Variants in CASKIN1 observed in about 807,000 individuals in gnomAD.
The protein encoded by CASKIN1 is CASK interacting protein 1.
CASKIN1 carries 42 observed loss-of-function variants against 117.5 expected under a neutral mutation model. The observed-to-expected ratio is 0.36, with a 90% CI of 0.28 to 0.46. The LOEUF (loss-of-function observed/expected upper bound fraction) is 0.46. CASKIN1 is among the 20% of genes least tolerant of loss of function. The pLI, the probability that CASKIN1 is intolerant of heterozygous loss-of-function variation, is 1.00. For synonymous variants in CASKIN1, 1,148 were observed against 961.7 expected, an observed-to-expected ratio of 1.19 and a Z score of -3.59; for missense variants, 2,083 against 2,077.3, an observed-to-expected ratio of 1.00 and a Z score of -0.05.
At chr16:2,192,579 C>T (rs533177595) in intron 1 of CASKIN1, among the ~76,000 whole-genome samples, 4 of 152,278 alleles carry the variant, frequency 2.6e-5, no homozygotes, top group Non-Finnish European at 4.4e-5. Context: ...GCCCTGTGTG[C>T]ACGTGCGGCC....
At chr16:2,192,926 C>T (rs905392482) in intron 1 of CASKIN1, among the ~76,000 whole-genome samples, 6 of 152,238 alleles carry the variant, frequency 3.9e-5, no homozygotes. Flanking sequence ...TCTGCCTGGC[C>T]GCCGAGGCGA....
chr16:2,189,886 G>A (rs940718387), intron 3 of CASKIN1, among the ~76,000 whole-genome samples, 187 bp downstream of exon 3: 4 of 151,914 alleles, frequency 2.6e-5, no homozygotes, highest in Non-Finnish European at 5.9e-5. Context: ...GGTTTGGGGG[G>A]TGCTAGGAGC....
Position 2,196,391 on chromosome 16 carries a change from C to A in CASKIN1, c.42G>T (p.Glu14Asp). ...GCAGCCTCTGCGCGGTCCCTACGTC[C>A]TCCGCCTTCACCGCCTGCACCAGCT... Reference protein sequence around the residue: ...EQELVQAVKAEDVGTAQRLLQ... With the variant: ...EQELVQAVKADDVGTAQRLLQ... Residue 14 changes from glutamate to aspartate, a missense_variant, in exon 1 of 20, where the codon GAG becomes GAT. By Grantham distance (45) the Glu-to-Asp change is conservative. Coordinates refer to ENST00000343516, the MANE Select transcript of CASKIN1 (RefSeq NM_020764.4). The surrounding 1 kb of genome is among the most constrained non-coding windows in gnomAD (Gnocchi z 5.7). The A allele has an allele frequency of 7.3e-7, 1 of 1,373,246 alleles. No individual in the cohort carries two copies. Among genetic ancestry groups the A allele is most frequent in the Admixed American group, 2.3e-5 (1 of 43,414 alleles). 85.1% of individuals were successfully genotyped at this position (1,373,246 alleles called of 1,614,324 possible).
chr16:2,187,483 C>T (rs753600572), intron 6 of CASKIN1, 22 bp from the exon 7 acceptor site: 1 of 1,590,334 alleles, frequency 6.3e-7, no homozygotes. Context: ...GCAAGGTGGA[C>T]AGGCGGGGCC....
intron 8 of CASKIN1, 35 bp from the exon 9 acceptor site, chr16:2,187,107 G>A (rs755050770): frequency 5.6e-6 from 9 of 1,612,720 alleles, no homozygotes; most frequent in East Asian, 4.5e-5. Flanking sequence ...GAAGTCCTGC[G>A]GGCTGATCTG....
rs371391007 is a variant in CASKIN1 at position 2,186,849 on chromosome 16, C to A, written c.931-25G>T. The A allele has an allele frequency of 2.1e-5, 34 of 1,606,860 alleles. No individual in the cohort carries two copies. The African/African-American group carries it at 3.6e-4, about 17-fold the overall frequency. The stretch of plus-strand genomic sequence containing the variant: ...CCTGGCCAGTAAGGTGGGGGGCGCT[C>A]AGGGAGATGCCCCCTTTCGCAGAGT... On this transcript the variant is annotated intron_variant, in intron 9 of 19. Transcript: ENST00000343516.
In CASKIN1 at chr16:2,184,858, C is replaced by A; in HGVS notation, c.1335G>T (p.Arg445=). 6.4e-7 allele frequency: 1 copy of A among 1,565,760 alleles called. No homozygotes were observed. The highest frequency in any genetic ancestry group is 8.7e-7 in the Non-Finnish European group (1 of 1,154,420). Residue 445 remains arginine, a synonymous_variant, in exon 14 of 20, where the codon CGG becomes CGT. Transcript: ENST00000343516. The stretch of plus-strand genomic sequence containing the variant: ...CGGCGTGGGCCACTGGAGGCTGGGA[C>A]CGGGCCACACCTGAGGACGAGAGTG... ...KPPEGSAGVA[R]SQPPVAHAGQ... is the part of the protein sequence containing the mutation.
Position 2,189,497 on chromosome 16 carries a change from C to T in CASKIN1, c.312G>A (p.Ala104=), listed in dbSNP as rs368029766. 19 of 1,612,032 alleles carry T rather than the reference C, an allele frequency of 1.2e-5. No individual in the cohort carries two copies. Among genetic ancestry groups the T allele is most frequent in the Non-Finnish European group, 1.1e-5 (13 of 1,179,822 alleles). ...CAGACGGGATGTTCACGGCCGAGCC[C>T]GCCTTCAGCACCAGCTTCATGGGCT... is the stretch of plus-strand genomic sequence containing the variant. ...RKEPMKLVLK[A]GSAVNIPSDE... is the part of the protein sequence containing the mutation. The change falls in exon 4 of 20, where the codon GCG becomes GCA. Residue 104 remains alanine, a synonymous_variant. Coordinates refer to ENST00000343516, the MANE Select transcript of CASKIN1 (RefSeq NM_020764.4).
chr16:2,195,351 C>T (rs891079242), intron 1 of CASKIN1, among the ~76,000 whole-genome samples: 1 of 152,166 alleles, frequency 6.6e-6, no homozygotes, highest in African/African-American at 2.4e-5. Flanking sequence ...GACTCTCTGG[C>T]TTACAGTCTG....
intron 3 of CASKIN1, among the ~76,000 whole-genome samples, 183 bp from the exon 4 acceptor site, chr16:2,189,747 T>G (rs2141325171): frequency 6.7e-6 from 1 of 148,748 alleles, no homozygotes; most frequent in South Asian, 2.1e-4. Flanking sequence ...TGCTGGGAGT[T>G]GACCTCTGAC....
intron 6 of CASKIN1, 34 bp downstream of exon 6, chr16:2,188,993 C>G: frequency 1.3e-6 from 2 of 1,595,168 alleles, no homozygotes; most frequent in Non-Finnish European, 8.6e-7. Context: ...CCTGGGGACC[C>G]TAAGGCTGAG....
At position 2,196,046 on chromosome 16, in the gene CASKIN1, G is replaced by A. The variant is rs1241280731; in HGVS notation, c.94+293C>T. On this transcript the variant is annotated intron_variant, in intron 1 of 19. Transcript: ENST00000343516. This position sits in a 1 kb window ranked among gnomAD's most constrained non-coding sequence, Gnocchi z 5.7. ...AGCTGTCAGCCCGCAGCCTGGGAAG[G>A]GAGGGGGACAGAGGTAGAGAGAGAG... 6.6e-6 allele frequency among the ~76,000 whole-genome samples: 1 copy of A among 152,070 alleles called. No homozygotes were observed. Among genetic ancestry groups the A allele is most frequent in the Non-Finnish European group, 1.5e-5 (1 of 67,978 alleles).
intron 17 of CASKIN1, 39 bp from the exon 18 acceptor site, chr16:2,181,638 G>T: frequency 6.5e-7 from 1 of 1,531,426 alleles, no homozygotes; most frequent in Non-Finnish European, 8.8e-7. Context: ...TGGACCAGGA[G>T]GCGGAGGGGC....
chr16:2,180,749 C>A lies in CASKIN1; in HGVS notation c.2619G>T (p.Pro873=). ...LCLPPEADAE[P]GRPKKRAHSL... The stretch of plus-strand genomic sequence containing the variant: ...TGTGGGCCCGCTTCTTGGGCCGCCC[C>A]GGCTCCGCGTCGGCCTCAGGGGGCA... The change falls in exon 18 of 20, where the codon CCG becomes CCT. Residue 873 remains proline, a synonymous_variant. Coordinates refer to ENST00000343516, the MANE Select transcript of CASKIN1 (RefSeq NM_020764.4). 3 of 1,439,152 alleles carry A rather than the reference C, an allele frequency of 2.1e-6. No individual in the cohort carries two copies. The highest frequency in any genetic ancestry group is 2.7e-6 in the Non-Finnish European group (3 of 1,104,034). 89.1% of individuals were successfully genotyped at this position (1,439,152 alleles called of 1,614,324 possible). A position where few individuals can be genotyped will look rare whatever the true frequency, so the allele number is the denominator to read the frequency against.
chr16:2,183,295 C>T (rs375386211), intron 16 of CASKIN1, among the ~76,000 whole-genome samples: 4 of 152,292 alleles, frequency 2.6e-5, no homozygotes, highest in African/African-American at 9.6e-5. Flanking sequence ...TAAGCATGGC[C>T]CCCTACAGTC....
rs377752180 is a variant in CASKIN1, at chr16:2,193,174, C to T, written c.95-2816G>A. On this transcript the variant is annotated intron_variant, in intron 1 of 19. Coordinates refer to ENST00000343516, the MANE Select transcript of CASKIN1 (RefSeq NM_020764.4). ...CTGGGATTACAGGCACGCACCACCA[C>T]TCCTGGCTAATTTTGTATTTTTAGT... 9.2e-4 allele frequency among the ~76,000 whole-genome samples: 140 copies of T among 152,220 alleles called. 3 individuals carry two copies. In the South Asian group the frequency reaches 0.027, roughly 30 times the overall value.
In CASKIN1 at chr16:2,189,400, G is replaced by GC. The variant is rs750363529; in HGVS notation, c.390+18dup. ...CGCGCTGCCCCGCCCCCGCTGCCCC[G>GC]CCCCCGCTCGGGCCTCACCACATCA... On this transcript the variant is annotated intron_variant, in intron 4 of 19. Coordinates refer to ENST00000343516, the MANE Select transcript of CASKIN1 (RefSeq NM_020764.4). 9 of 1,609,834 alleles carry GC rather than the reference G, an allele frequency of 5.6e-6. No homozygotes were observed. The South Asian group carries it at 9.9e-5, about 18-fold the overall frequency.
chr16:2,181,656 G>A (rs941915070), intron 17 of CASKIN1, 57 bp from the exon 18 acceptor site: 27 of 1,496,930 alleles, frequency 1.8e-5, no homozygotes, highest in East Asian at 7.4e-5. Context: ...GGCAGGGGCC[G>A]GGCTAGGGGC....
At chr16:2,194,164 G>A (rs2093208986) in intron 1 of CASKIN1, among the ~76,000 whole-genome samples, 1 of 152,162 alleles carries the variant, frequency 6.6e-6, no homozygotes, top group South Asian at 2.1e-4. Flanking sequence ...GGTGAGAGGG[G>A]GATGGGGAGC....
Sources: gnomAD v4.1 joint callset for allele counts (sites outside exome capture counted in the v4.1 genomes callset) on GRCh38, gnomAD v4.1.1 for gene constraint, Gnocchi (gnomAD v3.1) non-coding constraint, MANE v1.5 for transcripts, NCBI Gene and HGNC (gene_info 2026-07-23, HGNC 2026-07-21) for gene names.